Variants in EVC2 observed in about 807,000 individuals in gnomAD.
The protein encoded by EVC2 is EvC ciliary complex subunit 2, also known as limbin.
Under a neutral mutation model 149.3 loss-of-function variants are expected in EVC2, and 148 were observed. The observed-to-expected ratio is 0.99, with a 90% CI of 0.87 to 1.14. The LOEUF is 1.14. Among genes scored for constraint, EVC2 ranks in the 50% most tolerant of loss-of-function variants. The pLI, the probability that EVC2 is intolerant of heterozygous loss-of-function variation, is 0.00. For synonymous variants in EVC2, 776 were observed against 649.9 expected (o/e 1.19, Z -2.95); for missense variants, 1,854 against 1,627.3 (o/e 1.14, Z -2.40).
intron 14 of EVC2, among the ~76,000 whole-genome samples, chr4:5,619,220 CA>C (rs1377118957): frequency 2.6e-5 from 4 of 152,042 alleles, no homozygotes; most frequent in Admixed American, 6.6e-5. Flanking sequence ...TTGTGGCTCC[CA>C]AAAAGATATA....
chr4:5,698,878 G>T (rs1721652011), intron 1 of EVC2, among the ~76,000 whole-genome samples: 1 of 152,236 alleles, frequency 6.6e-6, no homozygotes, highest in Non-Finnish European at 1.5e-5. Flanking sequence ...CTGGCTTTGG[G>T]TCCAGTTCCA....
intron 16 of EVC2, among the ~76,000 whole-genome samples, chr4:5,603,019 G>C (rs1355237178): frequency 6.6e-6 from 1 of 152,174 alleles, no homozygotes; most frequent in Non-Finnish European, 1.5e-5. Context: ...AGAATTATTT[G>C]ACTGTTTAAA....
At chr4:5,588,210 C>CT (rs1453470441) in intron 16 of EVC2, among the ~76,000 whole-genome samples, 5 of 152,170 alleles carry the variant, frequency 3.3e-5, no homozygotes, top group African/African-American at 1.2e-4. Context: ...GAAGACATTG[C>CT]TCCATGTTCT....
the EVC2 span, among the ~76,000 whole-genome samples, chr4:5,529,117 C>T: frequency 6.6e-6 from 1 of 152,128 alleles, no homozygotes; most frequent in South Asian, 2.1e-4. This position sits in a 1 kb window ranked among gnomAD's most constrained non-coding sequence, Gnocchi z 4.5. Flanking sequence ...TAGCCTCTGC[C>T]TCCTTGCTGA....
intron 7 of EVC2, among the ~76,000 whole-genome samples, 197 bp from the exon 8 acceptor site, chr4:5,665,846 A>G (rs147496208): frequency 1.9e-3 from 282 of 152,318 alleles, no homozygotes; most frequent in Admixed American, 3.1e-3. Context: ...TCCTCAGTGC[A>G]TGACAAGCCT....
intron 16 of EVC2, among the ~76,000 whole-genome samples, 173 bp from the exon 17 acceptor site, chr4:5,585,023 G>C (rs1286918655): frequency 1.3e-5 from 2 of 152,156 alleles, no homozygotes; most frequent in African/African-American, 4.8e-5. Flanking sequence ...GGCTGTCCCT[G>C]CGTATGAAGA....
chr4:5,595,937 G>C (rs980172464), intron 16 of EVC2, among the ~76,000 whole-genome samples: 2 of 152,128 alleles, frequency 1.3e-5, no homozygotes, highest in African/African-American at 4.8e-5. Flanking sequence ...TGATAAAACA[G>C]AATTTAAACC....
At chr4:5,580,465 A>T (rs1179010744) in intron 17 of EVC2, among the ~76,000 whole-genome samples, 1 of 152,226 alleles carries the variant, frequency 6.6e-6, no homozygotes, top group Non-Finnish European at 1.5e-5. Flanking sequence ...TTATTATACT[A>T]ATAGAAATCA....
intron 10 of EVC2, among the ~76,000 whole-genome samples, chr4:5,639,528 A>G (rs1483926158): frequency 6.6e-6 from 1 of 152,224 alleles, no homozygotes; most frequent in East Asian, 1.9e-4. Context: ...GGCGCCAGGC[A>G]GCTGCTTTTC....
chr4:5,681,206 C>T lies in EVC2; in HGVS notation c.870+54G>A, dbSNP rs928418484. ...CCCATGGCTCCAAGGACAGGCAGGA[C>T]CCACACAGCACAGGTGTGTCCTGAG... On this transcript the variant is annotated intron_variant, in intron 7 of 21. Coordinates refer to ENST00000344408, the MANE Select transcript of EVC2 (RefSeq NM_147127.5). 9 of 1,600,176 alleles carry T rather than the reference C, an allele frequency of 5.6e-6. No individual in the cohort carries two copies. The East Asian group carries it at 2.0e-4, about 36-fold the overall frequency.
At position 5,681,278 on chromosome 4, in the gene EVC2, T is replaced by G. The variant is rs1444259253; in HGVS notation, c.852A>C (p.Thr284=). 7 of 1,614,194 alleles carry G rather than the reference T, an allele frequency of 4.3e-6. No individual in the cohort carries two copies. Among genetic ancestry groups the G allele is most frequent in the Non-Finnish European group, 5.9e-6 (7 of 1,180,022 alleles). ...RTQLKVLFSI[T]AEENVTVLPH... is the part of the protein sequence containing the mutation. Reference sequence around the variant, plus strand: ...CTCTTACCGTTACGTTTTCTTCTGCTGTTATGGAAAAAAGCACTTTCAGCT... The same window carrying G: ...CTCTTACCGTTACGTTTTCTTCTGCGGTTATGGAAAAAAGCACTTTCAGCT... The change falls in exon 7 of 22, where the codon ACA becomes ACC. Residue 284 remains threonine, a synonymous_variant. Transcript: ENST00000344408.
chr4:5,701,656 T>C (rs569357841), intron 1 of EVC2, among the ~76,000 whole-genome samples: 41 of 152,332 alleles, frequency 2.7e-4, no homozygotes, highest in African/African-American at 9.4e-4. Context: ...ACACTGACTA[T>C]TCCCCCATGT....
intron 21 of EVC2, among the ~76,000 whole-genome samples, chr4:5,548,612 C>T (rs1721668489): frequency 6.6e-6 from 1 of 151,914 alleles, no homozygotes; most frequent in Non-Finnish European, 1.5e-5. Flanking sequence ...ACAATAATTG[C>T]TAAGAAGAAT....
intron 1 of EVC2, 34 bp from the exon 2 acceptor site, chr4:5,697,681 A>G (rs913659019): frequency 8.3e-6 from 13 of 1,574,786 alleles, no homozygotes; most frequent in Non-Finnish European, 1.1e-5. Context: ...CATTAATGGA[A>G]CACATACTTC....
chr4:5,628,768 C>T, intron 11 of EVC2, 34 bp from the exon 12 acceptor site: 2 of 1,584,000 alleles, frequency 1.3e-6, no homozygotes, highest in Non-Finnish European at 1.7e-6. Context: ...GAAAATATGC[C>T]TAATTAAAAT....
chr4:5,673,683 T>G (rs1251571637), intron 7 of EVC2, among the ~76,000 whole-genome samples: 1 of 152,232 alleles, frequency 6.6e-6, no homozygotes, highest in African/African-American at 2.4e-5. Context: ...GTCACTGCAT[T>G]TATGAAGAGC....
rs112554900 is a variant in EVC2 at position 5,624,519 on chromosome 4, C to T, written c.2046+1230G>A. On this transcript the variant is annotated intron_variant, in intron 13 of 21. Transcript: ENST00000344408. ...GGGATGCAACGTAAGTTTTTGCCTT[C>T]GTGGACCTACATCCTAATTCTGGGC... is the stretch of plus-strand genomic sequence containing the variant. Among the ~76,000 whole-genome samples, 690 of 152,294 alleles carry T rather than the reference C, an allele frequency of 4.5e-3. 5 individuals carry two copies. Among genetic ancestry groups the T allele is most frequent in the African/African-American group, 0.016 (652 of 41,556 alleles).
At chr4:5,654,372 TCA>T (rs1374830980) in intron 9 of EVC2, among the ~76,000 whole-genome samples, 2 of 151,912 alleles carry the variant, frequency 1.3e-5, no homozygotes, top group African/African-American at 4.8e-5. Flanking sequence ...GAGAAGGAGG[TCA>T]CACATGAATT....
intron 1 of EVC2, among the ~76,000 whole-genome samples, chr4:5,703,773 A>G (rs1050660709): frequency 6.6e-6 from 1 of 152,220 alleles, no homozygotes; most frequent in African/African-American, 2.4e-5. Flanking sequence ...ATACAAACAA[A>G]ACAGTAACAT....
Sources: gnomAD v4.1 joint callset for allele counts (sites outside exome capture counted in the v4.1 genomes callset) on GRCh38, gnomAD v4.1.1 for gene constraint, Gnocchi (gnomAD v3.1) non-coding constraint, MANE v1.5 for transcripts, NCBI Gene and HGNC (gene_info 2026-07-23, HGNC 2026-07-21) for gene names.